Variants in VWA8 observed in about 807,000 individuals in gnomAD.
VWA8 encodes von Willebrand factor A domain containing 8.
A neutral mutation model predicts 241.5 loss-of-function variants in VWA8; 221 were observed. The ratio of observed to expected loss-of-function variants is 0.91; its 90% CI spans 0.82 to 1.02. VWA8 has a LOEUF of 1.02. VWA8 is among the 50% of genes least tolerant of loss of function. VWA8 has a pLI of 0.00. For synonymous variants in VWA8, 852 were observed against 827.1 expected, an observed-to-expected ratio of 1.03 and a Z score of -0.52; for missense variants, 2,322 against 2,328.7, an observed-to-expected ratio of 1.00 and a Z score of 0.06.
At chr13:41,662,324 A>G (rs529593847) in intron 37 of VWA8, among the ~76,000 whole-genome samples, 1 of 152,234 alleles carries the variant, frequency 6.6e-6, no homozygotes, top group East Asian at 1.9e-4. Context: ...TTAATGTTTT[A>G]CAGTATTCAG....
intron 26 of VWA8, among the ~76,000 whole-genome samples, chr13:41,706,328 C>T (rs1238643847): frequency 2.6e-5 from 4 of 152,176 alleles, no homozygotes; most frequent in Non-Finnish European, 4.4e-5. Flanking sequence ...GTACCCTATA[C>T]AGAATCTATT....
intron 37 of VWA8, among the ~76,000 whole-genome samples, chr13:41,663,792 A>C (rs755033314): frequency 3.6e-4 from 54 of 151,662 alleles, no homozygotes; most frequent in Non-Finnish European, 2.4e-4. Context: ...ATTTTTCTAC[A>C]TCGTGGTTCA....
chr13:41,591,525 G>C (rs575357469), intron 40 of VWA8, among the ~76,000 whole-genome samples: 1 of 152,220 alleles, frequency 6.6e-6, no homozygotes, highest in Non-Finnish European at 1.5e-5. Context: ...ATGTGTTCCA[G>C]GCAACCTACA....
At chr13:41,707,334 G>A (rs1371471043) in intron 26 of VWA8, among the ~76,000 whole-genome samples, 1 of 152,140 alleles carries the variant, frequency 6.6e-6, no homozygotes, top group African/African-American at 2.4e-5. Context: ...ACTATTTTTG[G>A]AATATGAAAG....
chr13:41,793,624 C>T (rs1869551788), intron 17 of VWA8, among the ~76,000 whole-genome samples: 1 of 152,028 alleles, frequency 6.6e-6, no homozygotes, highest in African/African-American at 2.4e-5. Flanking sequence ...CCATCCTGGC[C>T]AACATGGTGA....
chr13:41,776,841 C>T (rs943239316), intron 20 of VWA8, among the ~76,000 whole-genome samples: 1 of 152,076 alleles, frequency 6.6e-6, no homozygotes, highest in African/African-American at 2.4e-5. Context: ...GCACTCAAAT[C>T]AATAAAGCAC....
chr13:41,775,053 T>C (rs1464477921), intron 20 of VWA8, among the ~76,000 whole-genome samples: 2 of 152,162 alleles, frequency 1.3e-5, no homozygotes, highest in Non-Finnish European at 2.9e-5. Flanking sequence ...GAAGGTATGT[T>C]TGGGAAACAG....
chr13:41,804,503 G>GAC (rs1392369430), intron 17 of VWA8, among the ~76,000 whole-genome samples: 1 of 146,718 alleles, frequency 6.8e-6, no homozygotes, highest in South Asian at 2.1e-4. Context: ...TCCTACAAGG[G>GAC]AAAAAAAAAG....
rs1485606689 is a variant in VWA8 at position 41,894,251 on chromosome 13, G to A, written c.484-2664C>T. ...TTTCATTCACCTCAGGTGTACTGTG[G>A]TCTGCTATGCATTGAATCTCTTCAA... On this transcript the variant is annotated intron_variant, in intron 4 of 44. Transcript: ENST00000379310. Among the ~76,000 whole-genome samples the A allele has an allele frequency of 3.3e-5, 5 of 152,202 alleles. 1 individual carries two copies. Among genetic ancestry groups the A allele is most frequent in the Non-Finnish European group, 5.9e-5 (4 of 68,034 alleles).
intron 26 of VWA8, among the ~76,000 whole-genome samples, chr13:41,715,396 AAT>A (rs1274770756): frequency 6.6e-6 from 1 of 152,010 alleles, no homozygotes; most frequent in African/African-American, 2.4e-5. Flanking sequence ...TTTAAGATAA[AAT>A]AGTGTATAAG....
At position 41,584,462 on chromosome 13, in the gene VWA8, C is replaced by G. The variant is rs528558067; in HGVS notation, c.5271+3050G>C. On this transcript the variant is annotated intron_variant, in intron 42 of 44. Transcript: ENST00000379310. The stretch of plus-strand genomic sequence containing the variant: ...CCTTGCTGGGTCCACCTTGTCCCTC[C>G]AGACACTCACCCAGGTATCAATTTT... Among the ~76,000 whole-genome samples the G allele has an allele frequency of 2.0e-5, 3 of 152,174 alleles. No individual in the cohort carries two copies. The South Asian group carries it at 6.2e-4, about 32-fold the overall frequency.
Position 41,830,514 on chromosome 13 carries a change from T to G in VWA8, c.1700+15A>C. ...AACAATAAATTAGCAATGGGAGTAA[T>G]GGACCCCAAATTACCTCTTCTGTAG... On this transcript the variant is annotated intron_variant, in intron 14 of 44. Transcript: ENST00000379310. The G allele has an allele frequency of 6.2e-7, 1 of 1,600,012 alleles. No individual in the cohort carries two copies. The highest frequency in any genetic ancestry group is 8.6e-7 in the Non-Finnish European group (1 of 1,168,186).
chr13:41,737,720 C>T (rs528590416), intron 21 of VWA8, among the ~76,000 whole-genome samples: 183 of 152,246 alleles, frequency 1.2e-3, no homozygotes, highest in African/African-American at 4.3e-3. Context: ...ACAAGTAATG[C>T]TAACTATTTG....
intron 17 of VWA8, among the ~76,000 whole-genome samples, chr13:41,796,177 T>C (rs1869693345): frequency 6.6e-6 from 1 of 152,166 alleles, no homozygotes; most frequent in South Asian, 2.1e-4. Flanking sequence ...CTTTCATAAA[T>C]TATTCTTATC....
intron 29 of VWA8, 37 bp downstream of exon 29, chr13:41,699,034 G>C (rs536704129): frequency 1.2e-6 from 2 of 1,612,340 alleles, no homozygotes; most frequent in South Asian, 2.2e-5. Flanking sequence ...TTTCATGTAA[G>C]TCATTCCTCA....
At chr13:41,698,061 T>C (rs776596205) in intron 29 of VWA8, among the ~76,000 whole-genome samples, 6 of 152,132 alleles carry the variant, frequency 3.9e-5, no homozygotes, top group Admixed American at 6.5e-5. Flanking sequence ...CCCTTTCAAT[T>C]AGACAATCCC....
rs777770448 is a variant in VWA8, at chr13:41,925,996, C to T, written c.242-13828G>A. ...TTAAAGGTGGCAGGTAGGATCCATG[C>T]TAAAAGAGCTTCTGAGGGAAAGTTC... On this transcript the variant is annotated intron_variant, in intron 2 of 44. Transcript: ENST00000379310. The T allele has an allele frequency of 7.5e-6, 3 of 401,890 alleles. No individual in the cohort carries two copies. The South Asian group carries it at 9.9e-5, about 13-fold the overall frequency. 24.9% of individuals were successfully genotyped at this position (401,890 alleles called of 1,614,324 possible).
intron 1 of VWA8, among the ~76,000 whole-genome samples, chr13:41,956,309 G>T (rs1275831282): frequency 6.6e-6 from 1 of 152,160 alleles, no homozygotes; most frequent in African/African-American, 2.4e-5. Flanking sequence ...ATCACCTTGG[G>T]TTGAGAACTA....
rs144794970 is a variant in VWA8 at position 41,595,040 on chromosome 13, G to A, written c.4987-4275C>T. 7.1e-4 allele frequency among the ~76,000 whole-genome samples: 108 copies of A among 152,268 alleles called. 1 individual carries two copies. The South Asian group carries it at 0.011, about 15-fold the overall frequency. ...GATCACAGAATGCTTAAAACTAGAC[G>A]AAGTTGAGAAGACTGATTCAAGTAC... is the stretch of plus-strand genomic sequence containing the variant. On this transcript the variant is annotated intron_variant, in intron 40 of 44. Transcript: ENST00000379310.
Sources: gnomAD v4.1 joint callset for allele counts (sites outside exome capture counted in the v4.1 genomes callset) on GRCh38, gnomAD v4.1.1 for gene constraint, MANE v1.5 for transcripts, NCBI Gene and HGNC (gene_info 2026-07-23, HGNC 2026-07-21) for gene names.